The following METTL15 variants were observed in gnomAD, a reference collection of about 807,000 sequenced individuals.
The protein encoded by METTL15 is methyltransferase 15, mitochondrial 12S rRNA N4-cytidine.
A neutral mutation model predicts 38.3 loss-of-function variants in METTL15; 34 were observed. The ratio of observed to expected loss-of-function variants is 0.89; its 90% CI spans 0.68 to 1.18. The LOEUF is 1.18. Among genes scored for constraint, METTL15 ranks in the 50% most tolerant of loss-of-function variants. The pLI, the probability that METTL15 is intolerant of heterozygous loss-of-function variation, is 0.00. For synonymous variants in METTL15, 162 were observed against 170.9 expected, an observed-to-expected ratio of 0.95 and a Z score of 0.41; for missense variants, 438 against 498.4, an observed-to-expected ratio of 0.88 and a Z score of 1.15.
intron 6 of METTL15, among the ~76,000 whole-genome samples, chr11:28,472,562 A>T (rs1402809098): frequency 1.3e-5 from 2 of 152,194 alleles, no homozygotes; most frequent in African/African-American, 4.8e-5. Flanking sequence ...CAGGGCTAAG[A>T]ACAAGAATAA....
At chr11:28,476,781 C>G (rs1851350484) in intron 6 of METTL15, among the ~76,000 whole-genome samples, 2 of 152,126 alleles carry the variant, frequency 1.3e-5, no homozygotes, top group African/African-American at 4.8e-5. Context: ...TATGGTGTAG[C>G]TTAGTGCTAA....
intron 6 of METTL15, among the ~76,000 whole-genome samples, chr11:28,300,861 G>A (rs2134008528): frequency 6.6e-6 from 1 of 152,220 alleles, no homozygotes; most frequent in African/African-American, 2.4e-5. Context: ...TAAAATCTAA[G>A]AGATGAAAAT....
intron 6 of METTL15, among the ~76,000 whole-genome samples, chr11:28,458,144 A>G (rs1458288733): frequency 6.6e-6 from 1 of 152,188 alleles, no homozygotes; most frequent in Non-Finnish European, 1.5e-5. Flanking sequence ...TAGCCTTTGC[A>G]GAAAATACCT....
chr11:28,166,660 C>G (rs1850667734), intron 3 of METTL15, among the ~76,000 whole-genome samples: 2 of 152,116 alleles, frequency 1.3e-5, no homozygotes, highest in Non-Finnish European at 2.9e-5. Context: ...TGAAAAAATG[C>G]TGAAACTGGC....
chr11:28,420,922 TG>T (rs1313555244), intron 5 of METTL15, among the ~76,000 whole-genome samples: 4 of 152,068 alleles, frequency 2.6e-5, no homozygotes, highest in East Asian at 1.9e-4. Context: ...AACTAAAAGT[TG>T]TTTTTTTTAA....
intron 5 of METTL15, among the ~76,000 whole-genome samples, chr11:28,405,585 G>T (rs1016583744): frequency 6.6e-6 from 1 of 152,206 alleles, no homozygotes; most frequent in Middle Eastern, 3.4e-3. Flanking sequence ...GTTCAAAAGC[G>T]TGTGAGAACA....
At chr11:28,316,482 A>C (rs933131929) in intron 6 of METTL15, among the ~76,000 whole-genome samples, 1 of 152,196 alleles carries the variant, frequency 6.6e-6, no homozygotes, top group Non-Finnish European at 1.5e-5. Context: ...AAGGGACTTA[A>C]CTTGCCTTGT....
chr11:28,312,968 G>GTT (rs377284030), intron 6 of METTL15, among the ~76,000 whole-genome samples: 1 of 143,484 alleles, frequency 7.0e-6, no homozygotes, highest in South Asian at 2.2e-4. Flanking sequence ...CATAGGACTT[G>GTT]TTTTTTTTTT....
chr11:28,180,445 A>G (rs1416812268), intron 3 of METTL15, among the ~76,000 whole-genome samples: 1 of 151,764 alleles, frequency 6.6e-6, no homozygotes, highest in Non-Finnish European at 1.5e-5. Context: ...TAAAACTGTA[A>G]TTAGTTGTCT....
At chr11:28,408,712 A>G (rs1241873094) in intron 5 of METTL15, among the ~76,000 whole-genome samples, 1 of 152,218 alleles carries the variant, frequency 6.6e-6, no homozygotes. Context: ...AATATACAAC[A>G]TTATATTGAG....
chr11:28,274,792 A>G (rs1187627851), intron 4 of METTL15, among the ~76,000 whole-genome samples: 1 of 151,902 alleles, frequency 6.6e-6, no homozygotes, highest in Non-Finnish European at 1.5e-5. Context: ...CCATCAATGG[A>G]TACTAGGATA....
chr11:28,430,285 G>GC (rs1354954958), intron 6 of METTL15, among the ~76,000 whole-genome samples: 1 of 135,080 alleles, frequency 7.4e-6, no homozygotes, highest in Non-Finnish European at 1.6e-5. Context: ...TGGGGGGTCA[G>GC]CCCCCCCGCC....
At chr11:28,270,566 C>T (rs1274933289) in intron 4 of METTL15, among the ~76,000 whole-genome samples, 1 of 152,166 alleles carries the variant, frequency 6.6e-6, no homozygotes, top group East Asian at 1.9e-4. Context: ...AGAATCTCAG[C>T]CTGCCACTAC....
intron 6 of METTL15, among the ~76,000 whole-genome samples, chr11:28,311,360 T>TC (rs1483259858): frequency 6.6e-6 from 1 of 152,202 alleles, no homozygotes; most frequent in Non-Finnish European, 1.5e-5. Flanking sequence ...AAGATTCAGT[T>TC]CATATATTAT....
intron 6 of METTL15, among the ~76,000 whole-genome samples, chr11:28,525,826 G>C (rs1006687403): frequency 6.6e-6 from 1 of 152,266 alleles, no homozygotes; most frequent in Non-Finnish European, 1.5e-5. Flanking sequence ...TGGTGGATGG[G>C]ACTGGGCGCT....
At chr11:28,423,021 A>G (rs1850834247) in intron 5 of METTL15, among the ~76,000 whole-genome samples, 1 of 151,960 alleles carries the variant, frequency 6.6e-6, no homozygotes, top group African/African-American at 2.4e-5. Context: ...CAATAATCCA[A>G]TTTTTAAAAT....
intron 4 of METTL15, among the ~76,000 whole-genome samples, chr11:28,216,441 T>C (rs6484356): frequency 1 from 151,881 of 152,312 alleles, 75,726 homozygotes; most frequent in Non-Finnish European, 1. Flanking sequence ...GTAAAATAGA[T>C]CCATTTCAAA....
At chr11:28,178,190 C>A (rs1215247475) in intron 3 of METTL15, among the ~76,000 whole-genome samples, 2 of 151,804 alleles carry the variant, frequency 1.3e-5, no homozygotes, top group Non-Finnish European at 2.9e-5. Flanking sequence ...ATTATGAATA[C>A]CCATACACAT....
intron 6 of METTL15, among the ~76,000 whole-genome samples, chr11:28,467,018 G>A (rs1851262628): frequency 6.6e-6 from 1 of 152,148 alleles, no homozygotes; most frequent in African/African-American, 2.4e-5. Flanking sequence ...CTGGTGGCCT[G>A]GCCTGAAATA....
Sources: allele counts gnomAD v4.1 joint callset (sites outside exome capture counted in the v4.1 genomes callset), GRCh38; gene constraint gnomAD v4.1.1; transcripts MANE v1.5; gene names NCBI Gene and HGNC (gene_info 2026-07-23, HGNC 2026-07-21).